ATG7: variants seen among roughly 807,000 people sequenced by gnomAD.
ATG7 encodes the protein autophagy related 7.
A neutral mutation model predicts 82.4 loss-of-function variants in ATG7; 70 were observed. The ratio of observed to expected loss-of-function variants is 0.85; its 90% CI spans 0.70 to 1.04. The LOEUF (loss-of-function observed/expected upper bound fraction) is 1.04. ATG7 is among the 50% of genes least tolerant of loss of function. The pLI, the probability that ATG7 is intolerant of heterozygous loss-of-function variation, is 0.00. For synonymous variants in ATG7, 287 were observed against 313.0 expected (o/e 0.92, Z 0.88); for missense variants, 792 against 864.3 (o/e 0.92, Z 1.05).
At chr3:11,382,721 A>C (rs892872728) in intron 19 of ATG7, among the ~76,000 whole-genome samples, 4 of 152,244 alleles carry the variant, frequency 2.6e-5, no homozygotes, top group African/African-American at 9.6e-5. Context: ...AATTTCCTGT[A>C]GTGCATTAAA....
downstream of ATG7, among the ~76,000 whole-genome samples, chr3:11,562,544 TC>T (rs964196574): frequency 1.4e-4 from 21 of 152,304 alleles, no homozygotes; most frequent in African/African-American, 4.6e-4. Flanking sequence ...CCAACAGACT[TC>T]CAGGAAGAGA....
At chr3:11,369,842 T>A (rs2076876067) in intron 18 of ATG7, among the ~76,000 whole-genome samples, 1 of 151,170 alleles carries the variant, frequency 6.6e-6, no homozygotes. Flanking sequence ...CTGTCCTGTT[T>A]AGGAGGTGCG....
chr3:11,501,456 A>G (rs1485213548), intron 20 of ATG7, among the ~76,000 whole-genome samples: 1 of 152,222 alleles, frequency 6.6e-6, no homozygotes, highest in Non-Finnish European at 1.5e-5. Context: ...AGAAAAATCT[A>G]CAGTGTTACA....
At chr3:11,467,633 C>T (rs1330868000) in intron 20 of ATG7, among the ~76,000 whole-genome samples, 1 of 152,192 alleles carries the variant, frequency 6.6e-6, no homozygotes, top group East Asian at 1.9e-4. Context: ...GCCTTGGCCT[C>T]CCAGAGTGCT....
chr3:11,479,106 G>A (rs1358391538), intron 20 of ATG7, among the ~76,000 whole-genome samples: 1 of 151,022 alleles, frequency 6.6e-6, no homozygotes, highest in Non-Finnish European at 1.5e-5. Flanking sequence ...CTTCTCAATG[G>A]CAGGCTCCAG....
chr3:11,574,454 T>C, the ATG7 span, among the ~76,000 whole-genome samples: 1 of 152,110 alleles, frequency 6.6e-6, no homozygotes, highest in African/African-American at 2.4e-5. Flanking sequence ...AGCCCAGACC[T>C]GCCAGTAAGA....
At chr3:11,544,022 T>G (rs558045444) in intron 20 of ATG7, among the ~76,000 whole-genome samples, 2 of 152,220 alleles carry the variant, frequency 1.3e-5, no homozygotes, top group Non-Finnish European at 2.9e-5. Context: ...CCCTGCTTTG[T>G]GCAGTCTGCC....
At chr3:11,495,963 G>T (rs2090798145) in intron 20 of ATG7, among the ~76,000 whole-genome samples, 1 of 152,144 alleles carries the variant, frequency 6.6e-6, no homozygotes. Flanking sequence ...TCATAGGCGC[G>T]TCACGCTAGC....
chr3:11,359,105 T>C (rs971746985), intron 15 of ATG7, among the ~76,000 whole-genome samples: 1 of 152,184 alleles, frequency 6.6e-6, no homozygotes, highest in Admixed American at 6.5e-5. Context: ...ATTATGTTTA[T>C]ATATAAACAT....
At chr3:11,420,741 T>TAA (rs1463382890) in intron 19 of ATG7, among the ~76,000 whole-genome samples, 1 of 151,004 alleles carries the variant, frequency 6.6e-6, no homozygotes, top group African/African-American at 2.4e-5. Context: ...ATACCTTAAG[T>TAA]AATACAAAAT....
rs1947861887 is a variant in ATG7, at chr3:11,307,013, T to G, written c.286T>G (p.Phe96Val). 6.2e-7 allele frequency: 1 copy of G among 1,614,036 alleles called. No homozygotes were observed. The highest frequency in any genetic ancestry group is 1.3e-5 in the African/African-American group (1 of 75,004). ...GTATAACACCAACACACTCGAGTCTTTCAAGACTGCAGATAAGAAGCTCCT... is the reference window on the plus strand; with the variant it reads ...GTATAACACCAACACACTCGAGTCTGTCAAGACTGCAGATAAGAAGCTCCT... ...TLYNTNTLES[F>V]KTADKKLLLE... The change falls in exon 6 of 21, where the codon TTC (phenylalanine) becomes GTC (valine). Residue 96 changes from phenylalanine (F) to valine (V), a missense_variant. Physicochemically the swap from Phe to Val is conservative, Grantham distance 50 (BLOSUM62 -1). Transcript: ENST00000693202.
chr3:11,343,882 G>T (rs35166981), intron 13 of ATG7, among the ~76,000 whole-genome samples: 30,655 of 151,910 alleles, frequency 0.2, 3,499 homozygotes, highest in South Asian at 0.35. Context: ...AAATTACAAT[G>T]AATTTATAGA....
chr3:11,329,210 A>G (rs1057274370), intron 9 of ATG7, among the ~76,000 whole-genome samples: 2 of 152,230 alleles, frequency 1.3e-5, no homozygotes, highest in African/African-American at 2.4e-5. Context: ...GGGCAGTTAT[A>G]CACCAAGATG....
intron 20 of ATG7, among the ~76,000 whole-genome samples, chr3:11,501,881 G>T (rs1013701678): frequency 9.2e-5 from 14 of 151,980 alleles, no homozygotes; most frequent in African/African-American, 2.4e-4. Context: ...GCAGAGACGG[G>T]GTTTCACCAT....
At chr3:11,472,021 G>A (rs997301316) in intron 20 of ATG7, among the ~76,000 whole-genome samples, 7 of 152,072 alleles carry the variant, frequency 4.6e-5, no homozygotes, top group African/African-American at 1.4e-4. Flanking sequence ...ACAGGCGTGA[G>A]CCACCACACC....
chr3:11,357,180 A>T (rs2606737), intron 14 of ATG7, among the ~76,000 whole-genome samples: 1 of 152,260 alleles, frequency 6.6e-6, no homozygotes, highest in Non-Finnish European at 1.5e-5. Flanking sequence ...ATGGCCAGTG[A>T]TATACAGGGG....
intron 19 of ATG7, among the ~76,000 whole-genome samples, chr3:11,403,651 T>C (rs1347177675): frequency 1.3e-5 from 2 of 152,246 alleles, no homozygotes; most frequent in African/African-American, 4.8e-5. Context: ...TGAAGCAGTC[T>C]GGTTCCTTTT....
At chr3:11,426,350 A>T (rs555383749) in intron 19 of ATG7, among the ~76,000 whole-genome samples, 1 of 152,136 alleles carries the variant, frequency 6.6e-6, no homozygotes, top group African/African-American at 2.4e-5. Flanking sequence ...ACCTATTGAA[A>T]TTTATTTTTC....
the ATG7 span, chr3:11,564,944 G>A: frequency 6.3e-7 from 1 of 1,579,336 alleles, no homozygotes; most frequent in Non-Finnish European, 8.6e-7. Context: ...TCATGGTGGG[G>A]GCCACAGCGC....
Sources: gnomAD v4.1 joint callset for allele counts (sites outside exome capture counted in the v4.1 genomes callset) on GRCh38, gnomAD v4.1.1 for gene constraint, MANE v1.5 for transcripts, NCBI Gene and HGNC (gene_info 2026-07-23, HGNC 2026-07-21) for gene names.